The following SLC4A10 variants were observed in gnomAD, a reference collection of about 807,000 sequenced individuals.
SLC4A10 encodes the protein solute carrier family 4 member 10.
Under a neutral mutation model 137.7 loss-of-function variants are expected in SLC4A10, and 42 were observed. That is an observed-to-expected ratio of 0.30 (90% CI 0.24 to 0.39). SLC4A10 has a LOEUF of 0.39. Ranked by LOEUF, SLC4A10 falls within the 10% of genes least tolerant of loss-of-function variation. The pLI, the probability that SLC4A10 is intolerant of heterozygous loss-of-function variation, is 1.00. For missense variants in SLC4A10, 925 were observed against 1,355.0 expected, an observed-to-expected ratio of 0.68 and a Z score of 4.98; for synonymous variants, 474 against 464.1, an observed-to-expected ratio of 1.02 and a Z score of -0.27.
At chr2:161,823,338 G>C (rs760020994) in intron 3 of SLC4A10, among the ~76,000 whole-genome samples, 1 of 152,182 alleles carries the variant, frequency 6.6e-6, no homozygotes, top group Non-Finnish European at 1.5e-5. Flanking sequence ...GCCACTTGCT[G>C]TTGCTATTGT....
intron 1 of SLC4A10, among the ~76,000 whole-genome samples, chr2:161,754,264 A>T (rs531147567): frequency 6.6e-6 from 1 of 152,166 alleles, no homozygotes; most frequent in African/African-American, 2.4e-5. Context: ...CTCAGGGACT[A>T]TTAAATGGCC....
intron 15 of SLC4A10, among the ~76,000 whole-genome samples, chr2:161,920,021 G>A (rs1252731629): frequency 4.6e-5 from 7 of 152,134 alleles, no homozygotes; most frequent in Non-Finnish European, 7.3e-5. Context: ...TGGTTCCTGT[G>A]CCAGTGTCTG....
chr2:161,666,848 A>G (rs942405303), intron 1 of SLC4A10, among the ~76,000 whole-genome samples: 6 of 34,386 alleles, frequency 1.7e-4, no homozygotes, highest in Non-Finnish European at 6.6e-4. Flanking sequence ...AATGATTTTT[A>G]AAATGCCATG....
At chr2:161,893,368 T>C (rs73003553) in intron 10 of SLC4A10, among the ~76,000 whole-genome samples, 5,958 of 152,146 alleles carry the variant, frequency 0.039, 153 homozygotes, top group Middle Eastern at 0.068. Context: ...ATCTTCAGGT[T>C]CTGCACCCTT....
intron 2 of SLC4A10, among the ~76,000 whole-genome samples, chr2:161,776,820 A>G (rs2052392412): frequency 6.6e-6 from 1 of 150,684 alleles, no homozygotes; most frequent in African/African-American, 2.4e-5. Context: ...AAAAATGCGC[A>G]AGGGGTCTCC....
intron 3 of SLC4A10, among the ~76,000 whole-genome samples, chr2:161,813,273 T>A (rs1318480864): frequency 1.3e-5 from 2 of 152,122 alleles, no homozygotes; most frequent in African/African-American, 4.8e-5. Flanking sequence ...TAGCTATATC[T>A]TAAGATTGCT....
chr2:161,854,349 G>A (rs1333075810), intron 4 of SLC4A10, among the ~76,000 whole-genome samples: 3 of 152,106 alleles, frequency 2.0e-5, no homozygotes, highest in Non-Finnish European at 4.4e-5. Context: ...TTGACATCAT[G>A]ACATCAAGGT....
chr2:161,787,959 G>A (rs570773968), intron 2 of SLC4A10, among the ~76,000 whole-genome samples: 3 of 152,208 alleles, frequency 2.0e-5, no homozygotes, highest in Admixed American at 1.3e-4. Context: ...TCCTTTCAAG[G>A]TGTTAAAACA....
chr2:161,816,284 T>A (rs568753008), intron 3 of SLC4A10, among the ~76,000 whole-genome samples: 3 of 152,148 alleles, frequency 2.0e-5, no homozygotes, highest in African/African-American at 7.2e-5. Context: ...TCAAAATTCT[T>A]TGGAATTCAA....
At chr2:161,926,655 G>A (rs1255374617) in intron 15 of SLC4A10, among the ~76,000 whole-genome samples, 36 of 144,720 alleles carry the variant, frequency 2.5e-4, no homozygotes, top group Middle Eastern at 6.5e-3. Context: ...TCCTAGCATC[G>A]ATGGTCTTTA....
chr2:161,956,354 T>C (rs1244118560), intron 19 of SLC4A10, among the ~76,000 whole-genome samples: 1 of 152,174 alleles, frequency 6.6e-6, no homozygotes, highest in African/African-American at 2.4e-5. Flanking sequence ...TCTTAACCAC[T>C]TTATTATACT....
chr2:161,869,712 A>G (rs1008238905), intron 6 of SLC4A10, among the ~76,000 whole-genome samples: 9 of 151,766 alleles, frequency 5.9e-5, no homozygotes, highest in Admixed American at 5.9e-4. Context: ...TTACATTTTT[A>G]GAAATAATAG....
intron 1 of SLC4A10, among the ~76,000 whole-genome samples, chr2:161,700,173 A>C (rs1394320882): frequency 6.6e-6 from 1 of 152,180 alleles, no homozygotes; most frequent in Admixed American, 6.5e-5. Flanking sequence ...TGTTGATGAG[A>C]TTGGAAAGAT....
intron 3 of SLC4A10, among the ~76,000 whole-genome samples, chr2:161,816,626 C>T (rs192676271): frequency 3.8e-5 from 5 of 131,842 alleles, no homozygotes. Context: ...CTATCCTTCC[C>T]CCCTCCCCCC....
At chr2:161,888,202 A>T (rs2126004836) in intron 10 of SLC4A10, among the ~76,000 whole-genome samples, 1 of 151,826 alleles carries the variant, frequency 6.6e-6, no homozygotes, top group Admixed American at 6.6e-5. Context: ...TTTTCCATGT[A>T]GTATAGTTTG....
chr2:161,771,055 G>A lies in SLC4A10; in HGVS notation c.130+1G>A. 6.3e-7 allele frequency: 1 copy of A among 1,592,778 alleles called. No homozygotes were observed. On this transcript the variant is annotated splice_donor_variant, in intron 2 of 26. Transcript: ENST00000446997. LOFTEE classifies it high-confidence loss of function. Reference sequence around the variant, plus strand: ...CACTTTGAGAAAGAAGATTTAGAAGGTAAGACCATTTTTCTTGGGATAGCT... The same window carrying A: ...CACTTTGAGAAAGAAGATTTAGAAGATAAGACCATTTTTCTTGGGATAGCT...
At chr2:161,838,457 A>G (rs2058958990) in intron 3 of SLC4A10, among the ~76,000 whole-genome samples, 1 of 152,032 alleles carries the variant, frequency 6.6e-6, no homozygotes, top group African/African-American at 2.4e-5. Flanking sequence ...ATAATTTATA[A>G]CACACACACA....
chr2:161,954,334 C>G (rs1353481254), intron 19 of SLC4A10, among the ~76,000 whole-genome samples: 1 of 152,164 alleles, frequency 6.6e-6, no homozygotes. Context: ...TGGCTGGCCT[C>G]TTGTCTTGCT....
intron 3 of SLC4A10, among the ~76,000 whole-genome samples, chr2:161,828,596 G>A (rs1376101934): frequency 4.8e-5 from 7 of 146,006 alleles, no homozygotes; most frequent in Non-Finnish European, 6.0e-5. Flanking sequence ...ACATGCATAG[G>A]AAAGGACTCT....
Sources: allele counts gnomAD v4.1 joint callset (sites outside exome capture counted in the v4.1 genomes callset), GRCh38; gene constraint gnomAD v4.1.1; transcripts MANE v1.5; gene names NCBI Gene and HGNC (gene_info 2026-07-23, HGNC 2026-07-21).